The following RIMS2 variants were observed in gnomAD, a reference collection of about 807,000 sequenced individuals.
The protein encoded by RIMS2 is regulating synaptic membrane exocytosis 2, also known as regulating synaptic membrane exocytosis protein 2.
A neutral mutation model predicts 174.4 loss-of-function variants in RIMS2; 59 were observed. The ratio of observed to expected loss-of-function variants is 0.34; its 90% CI spans 0.27 to 0.42. The LOEUF is 0.42. Ranked by LOEUF, RIMS2 falls within the 10% of genes least tolerant of loss-of-function variation. The probability of loss-of-function intolerance (pLI) is 1.00; values close to 1 mark genes in which losing one functional copy is unlikely to be tolerated. For synonymous variants in RIMS2, 606 were observed against 572.5 expected, an observed-to-expected ratio of 1.06 and a Z score of -0.84; for missense variants, 1,620 against 1,666.3, an observed-to-expected ratio of 0.97 and a Z score of 0.48.
intron 16 of RIMS2, among the ~76,000 whole-genome samples, chr8:103,983,996 A>G (rs1266143117): frequency 5.9e-5 from 9 of 151,784 alleles, no homozygotes; most frequent in Non-Finnish European, 1.3e-4. Flanking sequence ...ACACGGTGAA[A>G]CCCCGTCTCT....
At chr8:103,873,871 C>T (rs1013443127) in intron 3 of RIMS2, among the ~76,000 whole-genome samples, 1 of 151,964 alleles carries the variant, frequency 6.6e-6, no homozygotes, top group Non-Finnish European at 1.5e-5. Flanking sequence ...AAGAAAGCAA[C>T]ATACAGATTT....
intron 1 of RIMS2, among the ~76,000 whole-genome samples, chr8:103,594,251 T>C (rs148901910): frequency 1.3e-5 from 2 of 151,748 alleles, no homozygotes; most frequent in East Asian, 3.9e-4. Flanking sequence ...GTGCCACATT[T>C]TTTTTCATTT....
At chr8:103,992,369 A>G (rs1010723915) in intron 17 of RIMS2, among the ~76,000 whole-genome samples, 18 of 143,444 alleles carry the variant, frequency 1.3e-4, no homozygotes, top group African/African-American at 4.2e-4. Flanking sequence ...CAGGTGATCC[A>G]CCTGCCTGGG....
chr8:103,662,334 C>T (rs1002372501), intron 1 of RIMS2, among the ~76,000 whole-genome samples: 16 of 152,102 alleles, frequency 1.1e-4, no homozygotes, highest in South Asian at 2.1e-4. Context: ...TTACAGTTAA[C>T]GACATCAGTT....
At chr8:104,232,984 A>C (rs1327127899) in intron 19 of RIMS2, among the ~76,000 whole-genome samples, 1 of 150,950 alleles carries the variant, frequency 6.6e-6, no homozygotes, top group Admixed American at 6.6e-5. Flanking sequence ...GAAAAAAAAA[A>C]CTAAGCTCAA....
In RIMS2 at chr8:103,641,050, G is replaced by A. The variant is rs921207166; in HGVS notation, c.177-56036G>A. 4.6e-5 allele frequency among the ~76,000 whole-genome samples: 7 copies of A among 151,916 alleles called. No individual in the cohort carries two copies. The East Asian group carries it at 1.3e-3, about 29-fold the overall frequency. Reference sequence around the variant, plus strand: ...TTGTTGTTATGCACACACACATTAAGGATTGTTATGTTTTCTTGGAGGAAT... The same window carrying A: ...TTGTTGTTATGCACACACACATTAAAGATTGTTATGTTTTCTTGGAGGAAT... On this transcript the variant is annotated intron_variant, in intron 1 of 23. Coordinates refer to ENST00000504942, the Ensembl canonical transcript of RIMS2.
At chr8:104,062,522 A>G (rs552210209) in intron 19 of RIMS2, among the ~76,000 whole-genome samples, 1 of 152,344 alleles carries the variant, frequency 6.6e-6, no homozygotes, top group South Asian at 2.1e-4. Flanking sequence ...CATGAGACAT[A>G]TTAGCAATTT....
chr8:104,119,762 A>G (rs1236685888), intron 19 of RIMS2, among the ~76,000 whole-genome samples: 1 of 152,196 alleles, frequency 6.6e-6, no homozygotes, highest in East Asian at 1.9e-4. Flanking sequence ...GGGCCAATTT[A>G]CTATTCTTGC....
intron 3 of RIMS2, among the ~76,000 whole-genome samples, chr8:103,853,417 C>T (rs1261588272): frequency 6.6e-6 from 1 of 151,876 alleles, no homozygotes. Context: ...TTTTTGTTTC[C>T]ATTGCAATTG....
chr8:103,938,911 G>A (rs1404159620), intron 13 of RIMS2, among the ~76,000 whole-genome samples: 1 of 152,178 alleles, frequency 6.6e-6, no homozygotes, highest in African/African-American at 2.4e-5. Flanking sequence ...TCACATCCAG[G>A]TCACGCTGAT....
chr8:104,243,695 G>A (rs1221169749), intron 19 of RIMS2, among the ~76,000 whole-genome samples: 1 of 151,842 alleles, frequency 6.6e-6, no homozygotes, highest in African/African-American at 2.4e-5. Context: ...CAAAAAAAAA[G>A]AACTTATTAA....
At chr8:104,255,338 C>A (rs972022146), downstream of RIMS2, 1 of 150,760 alleles carries the variant, frequency 6.6e-6, no homozygotes, top group Non-Finnish European at 1.5e-5. Flanking sequence ...TGAATTGTTT[C>A]TTTGTTGTTC....
intron 19 of RIMS2, among the ~76,000 whole-genome samples, chr8:104,043,660 C>T (rs1259475436): frequency 2.6e-5 from 4 of 151,496 alleles, no homozygotes; most frequent in African/African-American, 7.3e-5. Flanking sequence ...TAGAAGCAAA[C>T]TGAGCAGGTT....
chr8:104,177,350 A>G lies in RIMS2; in HGVS notation c.3335-67566A>G, dbSNP rs111824172. Among the ~76,000 whole-genome samples the G allele has an allele frequency of 5.6e-3, 858 of 152,264 alleles. 6 individuals are homozygous for G. Among genetic ancestry groups the G allele is most frequent in the African/African-American group, 0.019 (794 of 41,586 alleles). ...TTTTAAATTTATGGCTATATTCTAT[A>G]TAACAGCTATTTCCATAGGGACTAC... On this transcript the variant is annotated intron_variant, in intron 19 of 23. Transcript: ENST00000504942.
At chr8:103,513,659 G>C (rs1478019162) in intron 1 of RIMS2, among the ~76,000 whole-genome samples, 15 of 152,246 alleles carry the variant, frequency 9.9e-5, no homozygotes, top group Admixed American at 8.5e-4. Flanking sequence ...TGGGAATTGT[G>C]GTTAAGGAAG....
chr8:104,120,077 C>G (rs766494417), intron 19 of RIMS2, among the ~76,000 whole-genome samples: 2 of 152,154 alleles, frequency 1.3e-5, no homozygotes, highest in Non-Finnish European at 2.9e-5. Context: ...ACTCTTAGCC[C>G]TCTGTGAAAT....
At chr8:104,082,382 T>G (rs756334507) in intron 19 of RIMS2, among the ~76,000 whole-genome samples, 15 of 152,100 alleles carry the variant, frequency 9.9e-5, no homozygotes, top group Admixed American at 3.9e-4. Flanking sequence ...TTTTTAAAAA[T>G]ACACGTACAA....
chr8:104,087,581 G>A (rs1474956422), intron 19 of RIMS2, among the ~76,000 whole-genome samples: 1 of 152,090 alleles, frequency 6.6e-6, no homozygotes, highest in African/African-American at 2.4e-5. Context: ...TGGAGAGGGT[G>A]TTGAGTATGG....
At chr8:103,804,270 T>A (rs1386338429) in intron 3 of RIMS2, among the ~76,000 whole-genome samples, 2 of 152,138 alleles carry the variant, frequency 1.3e-5, no homozygotes, top group African/African-American at 4.8e-5. Flanking sequence ...CAAGAGAGAA[T>A]GAGAATCAAA....
Sources: allele counts gnomAD v4.1 joint callset (sites outside exome capture counted in the v4.1 genomes callset), GRCh38; gene constraint gnomAD v4.1.1; transcripts MANE v1.5; gene names NCBI Gene and HGNC (gene_info 2026-07-23, HGNC 2026-07-21).